PTPRM: variants seen among roughly 807,000 people sequenced by gnomAD.
PTPRM encodes protein tyrosine phosphatase receptor type M.
PTPRM carries 47 observed loss-of-function variants against 186.7 expected under a neutral mutation model. The ratio of observed to expected loss-of-function variants is 0.25; its 90% CI spans 0.20 to 0.32. The LOEUF (loss-of-function observed/expected upper bound fraction) is 0.32, where lower values mean the gene tolerates loss of function less well. Among genes scored for constraint, PTPRM ranks in the 10% least tolerant of loss-of-function variants. PTPRM has a pLI of 1.00. For synonymous variants in PTPRM, 668 were observed against 674.9 expected, an observed-to-expected ratio of 0.99 and a Z score of 0.16; for missense variants, 1,494 against 1,865.0, an observed-to-expected ratio of 0.80 and a Z score of 3.66.
intron 18 of PTPRM, 50 bp from the exon 19 acceptor site, chr18:8,253,177 A>T (rs1204667057): frequency 7.5e-7 from 1 of 1,331,166 alleles, no homozygotes; most frequent in Non-Finnish European, 9.8e-7. Context: ...AGTGATGCCG[A>T]CCTAGCTCCC....
At chr18:8,129,449 T>C (rs1394745585) in intron 13 of PTPRM, among the ~76,000 whole-genome samples, 1 of 152,240 alleles carries the variant, frequency 6.6e-6, no homozygotes, top group Admixed American at 6.5e-5. Context: ...TTCATCCATT[T>C]ATTTATTTTA....
intron 11 of PTPRM, among the ~76,000 whole-genome samples, chr18:8,109,872 C>T (rs781390372): frequency 2.0e-5 from 3 of 152,056 alleles, no homozygotes; most frequent in Non-Finnish European, 2.9e-5. Context: ...CGTTTGATTC[C>T]CTTAGGTTCA....
chr18:7,943,835 C>T (rs184783675), intron 5 of PTPRM, among the ~76,000 whole-genome samples: 103 of 152,332 alleles, frequency 6.8e-4, no homozygotes, highest in African/African-American at 2.2e-3. Context: ...ATAATCCAGT[C>T]TATCTTTCCA....
chr18:8,217,639 C>T (rs8088845), intron 14 of PTPRM, among the ~76,000 whole-genome samples: 71,652 of 151,998 alleles, frequency 0.47, 17,369 homozygotes, highest in East Asian at 0.74. Context: ...AGGCTGGCTA[C>T]ACTGTTCCAC....
intron 7 of PTPRM, among the ~76,000 whole-genome samples, chr18:8,029,579 T>C (rs187952289): frequency 2.8e-4 from 42 of 152,298 alleles, no homozygotes; most frequent in Admixed American, 2.4e-3. Context: ...ACATCCCCAC[T>C]AAGAATTCCT....
chr18:8,187,790 G>T (rs2093662174), intron 14 of PTPRM, among the ~76,000 whole-genome samples: 2 of 152,282 alleles, frequency 1.3e-5, no homozygotes, highest in Admixed American at 6.5e-5. Flanking sequence ...ACCATAGAGT[G>T]TACAGGCTTT....
At chr18:7,862,349 G>C (rs373389852) in intron 2 of PTPRM, among the ~76,000 whole-genome samples, 7 of 152,206 alleles carry the variant, frequency 4.6e-5, no homozygotes, top group Admixed American at 6.5e-5. Flanking sequence ...TGATGACAAC[G>C]TCACAAATAC....
intron 7 of PTPRM, among the ~76,000 whole-genome samples, chr18:7,994,242 C>T (rs554118162): frequency 6.7e-6 from 1 of 148,682 alleles, no homozygotes; most frequent in African/African-American, 2.5e-5. Flanking sequence ...ATAAAGGGAT[C>T]AATTCAGCAA....
At chr18:7,929,517 A>G (rs1323717272) in intron 5 of PTPRM, among the ~76,000 whole-genome samples, 1 of 152,178 alleles carries the variant, frequency 6.6e-6, no homozygotes, top group African/African-American at 2.4e-5. Flanking sequence ...TTTATCCTGG[A>G]ATCAGGACAC....
At chr18:8,225,603 C>T (rs1176509115) in intron 14 of PTPRM, among the ~76,000 whole-genome samples, 1 of 152,236 alleles carries the variant, frequency 6.6e-6, no homozygotes, top group Admixed American at 6.5e-5. Context: ...TCTAGGCTCA[C>T]ATCAGCCACT....
At chr18:8,176,558 C>T (rs2093485406) in intron 14 of PTPRM, among the ~76,000 whole-genome samples, 1 of 152,148 alleles carries the variant, frequency 6.6e-6, no homozygotes, top group South Asian at 2.1e-4. Context: ...TTAAGCTTAA[C>T]CCAAAAGAAA....
At chr18:7,928,770 T>G (rs1432991220) in intron 5 of PTPRM, among the ~76,000 whole-genome samples, 3 of 152,236 alleles carry the variant, frequency 2.0e-5, no homozygotes, top group African/African-American at 7.2e-5. Context: ...AATTTAAGGT[T>G]TGTTGAGGAC....
chr18:7,925,455 C>T (rs145607410), intron 4 of PTPRM, among the ~76,000 whole-genome samples: 1 of 152,236 alleles, frequency 6.6e-6, no homozygotes, highest in Admixed American at 6.5e-5. Flanking sequence ...AGTAGTAACT[C>T]AACTTCCATT....
intron 2 of PTPRM, among the ~76,000 whole-genome samples, chr18:7,796,618 T>C (rs1374686726): frequency 6.6e-6 from 1 of 152,178 alleles, no homozygotes; most frequent in Non-Finnish European, 1.5e-5. Context: ...GCCACAGTCC[T>C]CTGAGGCTCA....
At chr18:8,360,286 A>G (rs2095588980) in intron 23 of PTPRM, among the ~76,000 whole-genome samples, 1 of 152,254 alleles carries the variant, frequency 6.6e-6, no homozygotes, top group African/African-American at 2.4e-5. Context: ...GTCTAAGACC[A>G]GAGAAAGACA....
chr18:7,707,612 C>A (rs1374032999), intron 1 of PTPRM, among the ~76,000 whole-genome samples: 1 of 152,056 alleles, frequency 6.6e-6, no homozygotes, highest in Non-Finnish European at 1.5e-5. Flanking sequence ...GTACTCTAGG[C>A]TGGGTTACAG....
intron 11 of PTPRM, among the ~76,000 whole-genome samples, chr18:8,102,035 A>G (rs2091314344): frequency 6.6e-6 from 1 of 152,220 alleles, no homozygotes; most frequent in Non-Finnish European, 1.5e-5. Flanking sequence ...TTCCTAGTGC[A>G]TAGAAAAGTT....
intron 7 of PTPRM, among the ~76,000 whole-genome samples, chr18:8,038,333 C>T (rs1461601461): frequency 2.0e-5 from 3 of 151,718 alleles, no homozygotes; most frequent in African/African-American, 4.8e-5. Context: ...TTTTAAAAAC[C>T]CAGCTTTCTG....
At chr18:7,878,996 A>C (rs943372493) in intron 2 of PTPRM, among the ~76,000 whole-genome samples, 3 of 152,240 alleles carry the variant, frequency 2.0e-5, no homozygotes, top group African/African-American at 7.2e-5. Context: ...CATTAGCGTC[A>C]TCAGATAGTT....
Sources: allele counts gnomAD v4.1 joint callset (sites outside exome capture counted in the v4.1 genomes callset), GRCh38; gene constraint gnomAD v4.1.1; transcripts MANE v1.5; gene names NCBI Gene and HGNC (gene_info 2026-07-23, HGNC 2026-07-21).